Variants in NDUFB7 observed in about 807,000 individuals in gnomAD.
NDUFB7 encodes NADH dehydrogenase [ubiquinone] 1 beta subcomplex subunit 7.
A neutral mutation model predicts 14.7 loss-of-function variants in NDUFB7; 18 were observed. The observed-to-expected ratio is 1.22, with a 90% CI of 0.85 to 1.81. The LOEUF is 1.81. NDUFB7 is among the 40% of genes most tolerant of loss of function. The probability of loss-of-function intolerance (pLI) is 0.00; values close to 1 mark genes in which losing one functional copy is unlikely to be tolerated. For synonymous variants in NDUFB7, 86 were observed against 76.1 expected, an observed-to-expected ratio of 1.13 and a Z score of -0.68; for missense variants, 219 against 195.0, an observed-to-expected ratio of 1.12 and a Z score of -0.73.
At chr19:14,568,072 TCTCA>T (rs2074104113) in intron 1 of NDUFB7, among the ~76,000 whole-genome samples, 1 of 151,976 alleles carries the variant, frequency 6.6e-6, no homozygotes, top group Non-Finnish European at 1.5e-5. Flanking sequence ...TGAGATGGAG[TCTCA>T]CTCTGTCACC....
chr19:14,572,034 A>C lies in NDUFB7; in HGVS notation c.-34T>G. On this transcript the variant is annotated 5_prime_UTR_variant, in exon 1 of 3. Transcript: ENST00000215565. ...TCGCTGCAGATCCCTGCAGCAGCCG[A>C]GGGTCACCTAGCTCCTACCCGGAAC... 6.6e-7 allele frequency: 1 copy of C among 1,508,730 alleles called. No homozygotes were observed. Among genetic ancestry groups the C allele is most frequent in the Non-Finnish European group, 9.0e-7 (1 of 1,111,324 alleles). 93.5% of individuals were successfully genotyped at this position (1,508,730 alleles called of 1,614,324 possible). A position where few individuals can be genotyped will look rare whatever the true frequency, so the allele number is the denominator to read the frequency against.
Position 14,566,814 on chromosome 19 carries a change from G to T in NDUFB7, c.232C>A (p.Leu78Met). ...KCKRDSFPNF[L>M]ACKQERHDWD... ...TCGTGCCGCTCCTGCTTGCAGGCCA[G>T]GAAGTTGGGGAAGCTGTCACGCTTG... The change falls in exon 2 of 3, where the codon CTG becomes ATG. Residue 78 changes from leucine to methionine, a missense_variant. Leu to Met is a conservative substitution (Grantham distance 15, BLOSUM62 2). Transcript: ENST00000215565. The T allele has an allele frequency of 6.5e-7, 1 of 1,549,134 alleles. No homozygotes were observed.
At chr19:14,571,110 A>G (rs1442992094) in intron 1 of NDUFB7, among the ~76,000 whole-genome samples, 1 of 151,480 alleles carries the variant, frequency 6.6e-6, no homozygotes, top group Non-Finnish European at 1.5e-5. Context: ...ATGAGCTGTG[A>G]TTGTGCCACT....
In NDUFB7 at chr19:14,566,255, G is replaced by A. The variant is rs1362029527; in HGVS notation, c.292C>T (p.Arg98Cys). Residue 98 changes from arginine to cysteine, a missense_variant, in exon 3 of 3, where the codon CGC becomes TGC. Arg to Cys is a radical substitution (Grantham distance 180, BLOSUM62 -3). Coordinates refer to ENST00000215565, the MANE Select transcript of NDUFB7 (RefSeq NM_004146.6). ...DYCEHRDYVMRMKEFERERRL... is the reference protein window; with the variant it reads ...DYCEHRDYVMCMKEFERERRL... ...CGCTCCCGCTCAAACTCCTTCATGCGCATCACATAGCTGGGGGAAAAGCAC... is the reference window on the plus strand; with the variant it reads ...CGCTCCCGCTCAAACTCCTTCATGCACATCACATAGCTGGGGGAAAAGCAC... The A allele has an allele frequency of 6.2e-7, 1 of 1,614,004 alleles. No individual in the cohort carries two copies. The highest frequency in any genetic ancestry group is 1.3e-5 in the African/African-American group (1 of 75,054).
At chr19:14,571,194 G>A (rs1162483487) in intron 1 of NDUFB7, among the ~76,000 whole-genome samples, 1 of 152,144 alleles carries the variant, frequency 6.6e-6, no homozygotes, top group East Asian at 1.9e-4. Flanking sequence ...AGTATTTGCA[G>A]CTCGAATCTT....
At position 14,566,239 on chromosome 19, in the gene NDUFB7, T is replaced by G. The variant is rs145776636; in HGVS notation, c.308A>C (p.Glu103Ala). 1.7e-5 allele frequency: 27 copies of G among 1,613,870 alleles called. No individual in the cohort carries two copies. The highest frequency in any genetic ancestry group is 2.1e-5 in the Non-Finnish European group (25 of 1,180,004). Residue 103 changes from glutamate (E) to alanine (A), a missense_variant, in exon 3 of 3, where the codon GAG becomes GCG. By Grantham distance (107) the Glu-to-Ala change is moderately radical (BLOSUM62 -1). Transcript: ENST00000215565. ...RDYVMRMKEF[E>A]RERRLLQRKK... ...CCGCTGGAGCAGCCTCCGCTCCCGC[T>G]CAAACTCCTTCATGCGCATCACATA... is the stretch of plus-strand genomic sequence containing the variant.
Position 14,567,560 on chromosome 19 carries a change from C to T in NDUFB7, c.113-627G>A, listed in dbSNP as rs189375182. Among the ~76,000 whole-genome samples, 2 of 152,180 alleles carry T rather than the reference C, an allele frequency of 1.3e-5. No individual in the cohort carries two copies. The highest frequency in any genetic ancestry group is 4.8e-5 in the African/African-American group (2 of 41,512). ...TGCCCCACTCACCTAGCAAACCTGA[C>T]TCCGGACAAATCAACCTTCAGGAGG... On this transcript the variant is annotated intron_variant, in intron 1 of 2. Transcript: ENST00000215565. The surrounding 1 kb of genome is among the most constrained non-coding windows in gnomAD (Gnocchi z 5.1).
In NDUFB7 at chr19:14,566,213, T is replaced by G; in HGVS notation, c.334A>C (p.Lys112Gln). 6.2e-7 allele frequency: 1 copy of G among 1,614,022 alleles called. No homozygotes were observed. The highest frequency in any genetic ancestry group is 8.5e-7 in the Non-Finnish European group (1 of 1,179,994). Residue 112 changes from lysine (K) to glutamine (Q), a missense_variant, in exon 3 of 3, where the codon AAG (lysine) becomes CAG (glutamine). Transcript: ENST00000215565. ...FERERRLLQR[K>Q]KRREKKAAEL... ...GCCGCCTTCTTCTCCCGCCGCTTCT[T>G]CCGCTGGAGCAGCCTCCGCTCCCGC...
In NDUFB7 at chr19:14,566,819, T is replaced by C. The variant is rs1322479731; in HGVS notation, c.227A>G (p.Asn76Ser). 1 of 1,550,062 alleles carries C rather than the reference T, an allele frequency of 6.5e-7. No homozygotes were observed. ...CCGCTCCTGCTTGCAGGCCAGGAAG[T>C]TGGGGAAGCTGTCACGCTTGCACTT... ...LLKCKRDSFP[N>S]FLACKQERHD... is the part of the protein sequence containing the mutation. The change falls in exon 2 of 3, where the codon AAC becomes AGC. Residue 76 changes from asparagine to serine, a missense_variant. By Grantham distance (46) the Asn-to-Ser change is conservative. Transcript: ENST00000215565.
In NDUFB7 at chr19:14,566,216, G is replaced by A. The variant is rs1229017728; in HGVS notation, c.331C>T (p.Arg111Trp). 2 of 1,614,024 alleles carry A rather than the reference G, an allele frequency of 1.2e-6. No homozygotes were observed. Among genetic ancestry groups the A allele is most frequent in the East Asian group, 2.2e-5 (1 of 44,852 alleles). Residue 111 changes from arginine (R) to tryptophan (W), a missense_variant, in exon 3 of 3, where the codon CGG becomes TGG. Coordinates refer to ENST00000215565, the MANE Select transcript of NDUFB7 (RefSeq NM_004146.6). Reference sequence around the variant, plus strand: ...GCCTTCTTCTCCCGCCGCTTCTTCCGCTGGAGCAGCCTCCGCTCCCGCTCA... The same window carrying A: ...GCCTTCTTCTCCCGCCGCTTCTTCCACTGGAGCAGCCTCCGCTCCCGCTCA... The part of the protein sequence containing the change: ...EFERERRLLQ[R>W]KKRREKKAAE...
rs1013747702 is a variant in NDUFB7, at chr19:14,567,801, C to A, written c.113-868G>T. ...GTCGTCCCCTGCTGGCTTCTCTCCC[C>A]TTTGCTTCCCAGCTGCGATTCTCTC... On this transcript the variant is annotated intron_variant, in intron 1 of 2. Coordinates refer to ENST00000215565, the MANE Select transcript of NDUFB7 (RefSeq NM_004146.6). This position sits in a 1 kb window ranked among gnomAD's most constrained non-coding sequence, Gnocchi z 5.1. Among the ~76,000 whole-genome samples the A allele has an allele frequency of 2.0e-5, 3 of 152,172 alleles. No individual in the cohort carries two copies. Among genetic ancestry groups the A allele is most frequent in the East Asian group, 3.8e-4 (2 of 5,200 alleles).
rs2228463 is a variant in NDUFB7, at chr19:14,566,920, T to C, written c.126A>G (p.Thr42=). Residue 42 remains threonine (T), a synonymous_variant, in exon 2 of 3, where the codon ACA becomes ACG. Coordinates refer to ENST00000215565, the MANE Select transcript of NDUFB7 (RefSeq NM_004146.6). ...GCTGCGCGTCCATCATCTCCTGCTG[T>C]GTGGCCACCATCTCTGCAGGGAGTG... The part of the protein sequence containing the change: ...PERKEREMVA[T]QQEMMDAQLR... 9,461 of 1,584,108 alleles carry C rather than the reference T, an allele frequency of 6.0e-3. 33 individuals are homozygous for C. Among genetic ancestry groups the C allele is most frequent in the Non-Finnish European group, 6.5e-3 (7,623 of 1,169,624 alleles).
At chr19:14,571,809 G>T in intron 1 of NDUFB7, 80 bp downstream of exon 1, 1 of 1,334,702 alleles carries the variant, frequency 7.5e-7, no homozygotes. Flanking sequence ...GCCCAGCCCT[G>T]GGGTGCCAGC....
At position 14,566,756 on chromosome 19, in the gene NDUFB7, G is replaced by C; in HGVS notation, c.281+9C>G. Reference sequence around the variant, plus strand: ...CCGGGGTGTTGGGGGCTGGTGTGGGGGTGCTCACTCGCGGTGCTCGCAGTA... The same window carrying C: ...CCGGGGTGTTGGGGGCTGGTGTGGGCGTGCTCACTCGCGGTGCTCGCAGTA... On this transcript the variant is annotated intron_variant, in intron 2 of 2. Coordinates refer to ENST00000215565, the MANE Select transcript of NDUFB7 (RefSeq NM_004146.6). 1 of 1,540,806 alleles carries C rather than the reference G, an allele frequency of 6.5e-7. No homozygotes were observed. Among genetic ancestry groups the C allele is most frequent in the East Asian group, 2.5e-5 (1 of 40,782 alleles).
intron 1 of NDUFB7, among the ~76,000 whole-genome samples, chr19:14,570,176 C>T (rs1010676454): frequency 6.6e-6 from 1 of 150,558 alleles, no homozygotes; most frequent in African/African-American, 2.4e-5. Flanking sequence ...GGATTACAGG[C>T]ATAAGCCACC....
chr19:14,566,646 G>T (rs2074088898), intron 2 of NDUFB7, 119 bp downstream of exon 2: 1 of 938,748 alleles, frequency 1.1e-6, no homozygotes, highest in Non-Finnish European at 1.6e-6. Flanking sequence ...TGGCGGGGGT[G>T]GGAGGGGGGC....
chr19:14,571,720 T>A (rs1380197972), intron 1 of NDUFB7, among the ~76,000 whole-genome samples, 169 bp downstream of exon 1: 1 of 152,176 alleles, frequency 6.6e-6, no homozygotes, highest in East Asian at 1.9e-4. Flanking sequence ...CTGGAACGCC[T>A]CCACACTGAG....
chr19:14,569,625 G>C (rs890027693), intron 1 of NDUFB7, among the ~76,000 whole-genome samples: 12 of 152,206 alleles, frequency 7.9e-5, no homozygotes, highest in African/African-American at 2.9e-4. Context: ...GAGGCAGTGG[G>C]AGGAAGGTGG....
Position 14,567,641 on chromosome 19 carries a change from G to T in NDUFB7, c.113-708C>A, listed in dbSNP as rs761754188. On this transcript the variant is annotated intron_variant, in intron 1 of 2. Transcript: ENST00000215565. This position sits in a 1 kb window ranked among gnomAD's most constrained non-coding sequence, Gnocchi z 5.1. ...ACTCACCCCGGAGCCTGTGCCTGGC[G>T]ATCCTGCACTCGTTCCCCACCGCCT... is the stretch of plus-strand genomic sequence containing the variant. Among the ~76,000 whole-genome samples, 1 of 152,092 alleles carries T rather than the reference G, an allele frequency of 6.6e-6. No homozygotes were observed. Among genetic ancestry groups the T allele is most frequent in the Non-Finnish European group, 1.5e-5 (1 of 67,982 alleles).
Sources: allele counts gnomAD v4.1 joint callset (sites outside exome capture counted in the v4.1 genomes callset), GRCh38; gene constraint gnomAD v4.1.1; non-coding constraint Gnocchi (gnomAD v3.1); transcripts MANE v1.5; gene names NCBI Gene and HGNC (gene_info 2026-07-23, HGNC 2026-07-21).